The following TTC7A variants were observed in gnomAD, a reference collection of about 807,000 sequenced individuals.
TTC7A encodes tetratricopeptide repeat protein 7A.
Under a neutral mutation model 103.7 loss-of-function variants are expected in TTC7A, and 110 were observed. The ratio of observed to expected loss-of-function variants is 1.06; its 90% CI spans 0.91 to 1.24. The LOEUF is 1.24. Ranked by LOEUF, TTC7A falls within the 50% of genes most tolerant of loss-of-function variation. The pLI is 0.00. For missense variants in TTC7A, 1,340 were observed against 1,116.3 expected (o/e 1.20, Z -2.86); for synonymous variants, 521 against 467.9 (o/e 1.11, Z -1.47).
At chr2:46,957,741 C>T (rs2104026511) in intron 3 of TTC7A, among the ~76,000 whole-genome samples, 1 of 152,232 alleles carries the variant, frequency 6.6e-6, no homozygotes, top group East Asian at 1.9e-4. Flanking sequence ...CTTTGTGCTT[C>T]AGGCTCCTTC....
At chr2:47,002,668 C>T (rs1446720833) in intron 8 of TTC7A, among the ~76,000 whole-genome samples, 1 of 152,072 alleles carries the variant, frequency 6.6e-6, no homozygotes, top group African/African-American at 2.4e-5. Context: ...AGCCCTGGCC[C>T]CTGAGCTGCA....
rs1197386227 is a variant in TTC7A at position 47,050,161 on chromosome 2, A to AC, written c.2017+116dup. On this transcript the variant is annotated intron_variant, in intron 17 of 19. Transcript: ENST00000319190. ...CTCTCCCAGCCGGGCCAAGCCCACC[A>AC]CTGGCTCCTTGCCAGCTCGGGCAAC... is the stretch of plus-strand genomic sequence containing the variant. 3 of 888,464 alleles carry AC rather than the reference A, an allele frequency of 3.4e-6. No homozygotes were observed. In the African/African-American group the frequency reaches 4.9e-5, roughly 15 times the overall value. The allele number at this position is 888,464 out of a possible 1,614,324, so 55.0% of individuals were successfully genotyped here. A position where few individuals can be genotyped will look rare whatever the true frequency, so the allele number is the denominator to read the frequency against.
At chr2:47,040,821 T>G (rs1389558709) in intron 15 of TTC7A, among the ~76,000 whole-genome samples, 1 of 152,220 alleles carries the variant, frequency 6.6e-6, no homozygotes, top group Non-Finnish European at 1.5e-5. Context: ...ACCTGTGACA[T>G]GCCCAGCTGG....
intron 1 of TTC7A, among the ~76,000 whole-genome samples, chr2:46,948,654 C>G (rs560744620): frequency 9.2e-5 from 14 of 152,198 alleles, no homozygotes; most frequent in African/African-American, 2.6e-4. Flanking sequence ...AAGACGAGGT[C>G]TCCCTATGTT....
At chr2:46,960,419 A>C (rs1286638335) in intron 3 of TTC7A, among the ~76,000 whole-genome samples, 3 of 152,194 alleles carry the variant, frequency 2.0e-5, no homozygotes, top group African/African-American at 7.2e-5. Flanking sequence ...ATTCCCAGAA[A>C]CATGGGGTAC....
At chr2:47,009,415 A>T (rs1286232447) in intron 10 of TTC7A, among the ~76,000 whole-genome samples, 1 of 152,090 alleles carries the variant, frequency 6.6e-6, no homozygotes, top group Non-Finnish European at 1.5e-5. Context: ...TGACCGCACA[A>T]CGCCTAGCCC....
intron 11 of TTC7A, among the ~76,000 whole-genome samples, chr2:47,014,723 C>T (rs1255659694): frequency 3.9e-5 from 6 of 152,254 alleles, no homozygotes; most frequent in African/African-American, 1.4e-4. Context: ...CCAGCAGGCC[C>T]AGCCAAGCCC....
At chr2:47,067,141 T>A (rs1426053285) in intron 19 of TTC7A, among the ~76,000 whole-genome samples, 3 of 152,210 alleles carry the variant, frequency 2.0e-5, no homozygotes, top group Admixed American at 1.3e-4. Context: ...ACACTTCAAT[T>A]CTGCTGATTG....
intron 11 of TTC7A, among the ~76,000 whole-genome samples, chr2:47,015,381 C>A (rs1360308579): frequency 6.6e-6 from 1 of 152,234 alleles, no homozygotes; most frequent in Non-Finnish European, 1.5e-5. Context: ...GGAAACAGGG[C>A]ATGCTTATCT....
chr2:46,965,956 T>A (rs1411288347), intron 3 of TTC7A, among the ~76,000 whole-genome samples: 1 of 150,750 alleles, frequency 6.6e-6, no homozygotes, highest in Non-Finnish European at 1.5e-5. Context: ...AGTGCATACT[T>A]TTTTTTTTCT....
chr2:47,027,405 G>A (rs1219827052), intron 14 of TTC7A, among the ~76,000 whole-genome samples: 2 of 152,276 alleles, frequency 1.3e-5, no homozygotes, highest in African/African-American at 4.8e-5. Flanking sequence ...TTGGCCTGGA[G>A]TCAGGACCCC....
chr2:47,040,638 C>T (rs1681634533), intron 15 of TTC7A: 1 of 152,364 alleles, frequency 6.6e-6, no homozygotes, highest in East Asian at 1.9e-4. Context: ...CCTTCAGAGG[C>T]ACCTGGCCTA....
intron 19 of TTC7A, 126 bp from the exon 20 acceptor site, chr2:47,073,576 C>T: frequency 1.3e-6 from 1 of 795,132 alleles, no homozygotes; most frequent in Non-Finnish European, 2.1e-6. Flanking sequence ...AGTGCCCAAG[C>T]CAGAGACGCG....
chr2:46,951,981 ACT>A (rs1191570247), intron 2 of TTC7A, among the ~76,000 whole-genome samples: 2 of 152,176 alleles, frequency 1.3e-5, no homozygotes, highest in East Asian at 1.9e-4. Flanking sequence ...CAGAGAGCAG[ACT>A]CTGAGTAATG....
intron 5 of TTC7A, among the ~76,000 whole-genome samples, chr2:46,992,563 C>G (rs1275516223): frequency 6.6e-6 from 1 of 152,216 alleles, no homozygotes; most frequent in Non-Finnish European, 1.5e-5. Flanking sequence ...GGGGCAGGCC[C>G]CACAGCCTCA....
intron 19 of TTC7A, among the ~76,000 whole-genome samples, chr2:47,069,304 T>C (rs560655272): frequency 6.6e-6 from 1 of 152,254 alleles, no homozygotes; most frequent in South Asian, 2.1e-4. Flanking sequence ...CGCTGGTCCC[T>C]GCCCCTCTGA....
At chr2:47,049,666 G>A (rs1313523873) in intron 16 of TTC7A, among the ~76,000 whole-genome samples, 1 of 152,112 alleles carries the variant, frequency 6.6e-6, no homozygotes, top group African/African-American at 2.4e-5. Context: ...GGCCTGGGGA[G>A]CTTCTGGCCT....
intron 16 of TTC7A, among the ~76,000 whole-genome samples, chr2:47,049,225 G>C (rs1300543657): frequency 6.6e-6 from 1 of 152,156 alleles, no homozygotes; most frequent in Admixed American, 6.5e-5. Context: ...AAGGTTGTGG[G>C]CTTCCTCGGC....
In TTC7A at chr2:47,041,479, G is replaced by A. The variant is rs112378072; in HGVS notation, c.1803-4836G>A. ...ATTAAAAATGCTTGATACGCCAGTC[G>A]CGGTGGCTCAAGCCTGTAATCCCAG... On this transcript the variant is annotated intron_variant, in intron 15 of 19. Coordinates refer to ENST00000319190, the MANE Select transcript of TTC7A (RefSeq NM_020458.4). 1.8e-3 allele frequency among the ~76,000 whole-genome samples: 279 copies of A among 152,300 alleles called. 2 individuals are homozygous for A. Among genetic ancestry groups the A allele is most frequent in the African/African-American group, 5.1e-3 (213 of 41,578 alleles).
Sources: allele counts gnomAD v4.1 joint callset (sites outside exome capture counted in the v4.1 genomes callset), GRCh38; gene constraint gnomAD v4.1.1; transcripts MANE v1.5; gene names NCBI Gene and HGNC (gene_info 2026-07-23, HGNC 2026-07-21).